The following MSRA variants were observed in gnomAD, a reference collection of about 807,000 sequenced individuals.
The protein encoded by MSRA is methionine sulfoxide reductase A, also known as mitochondrial peptide methionine sulfoxide reductase.
A neutral mutation model predicts 31.3 loss-of-function variants in MSRA; 54 were observed. The ratio of observed to expected loss-of-function variants is 1.73; its 90% confidence interval spans 1.39 to 2.17. The LOEUF is 2.17. MSRA is among the 30% of genes most tolerant of loss of function. The probability of loss-of-function intolerance (pLI) is 0.00; values close to 1 mark genes in which losing one functional copy is unlikely to be tolerated. For missense variants in MSRA, 507 were observed against 300.9 expected (o/e 1.69, Z -5.07); for synonymous variants, 169 against 116.5 (o/e 1.45, Z -2.90).
intron 3 of MSRA, among the ~76,000 whole-genome samples, chr8:10,278,972 T>C (rs1799472626): frequency 6.6e-6 from 1 of 152,172 alleles, no homozygotes; most frequent in African/African-American, 2.4e-5. Flanking sequence ...GTAACTGGAA[T>C]AGATTTTTGC....
rs2975685 is a variant in MSRA, at chr8:10,259,720, G to A, written c.331+14497G>A. 2.6e-5 allele frequency among the ~76,000 whole-genome samples: 4 copies of A among 152,354 alleles called. No homozygotes were observed. The South Asian group carries it at 8.3e-4, about 32-fold the overall frequency. ...GGGTTTCCTGGGGAAACAAGGGAAA[G>A]CAGTCCAGGCGTGTGGGGGAGAGAT... is the stretch of plus-strand genomic sequence containing the variant. On this transcript the variant is annotated intron_variant, in intron 3 of 5. Coordinates refer to ENST00000317173, the MANE Select transcript of MSRA (RefSeq NM_012331.5).
At chr8:10,066,273 C>T (rs1238119159) in intron 1 of MSRA, among the ~76,000 whole-genome samples, 1 of 151,914 alleles carries the variant, frequency 6.6e-6, no homozygotes, top group Non-Finnish European at 1.5e-5. Context: ...AGGCGTGAGC[C>T]CCTCTGCCCG....
intron 1 of MSRA, among the ~76,000 whole-genome samples, chr8:10,141,220 A>G (rs1291423173): frequency 6.6e-6 from 1 of 152,312 alleles, no homozygotes; most frequent in South Asian, 2.1e-4. Flanking sequence ...ACCCTGTGCC[A>G]GGCCTGGTTC....
At chr8:10,150,161 G>A (rs1297901670) in intron 1 of MSRA, among the ~76,000 whole-genome samples, 1 of 151,904 alleles carries the variant, frequency 6.6e-6, no homozygotes. Context: ...CGGCAGTGAG[G>A]GAAAAGTACA....
At chr8:10,403,558 T>C (rs7459532) in intron 5 of MSRA, among the ~76,000 whole-genome samples, 75,030 of 152,042 alleles carry the variant, frequency 0.49, 19,068 homozygotes, top group East Asian at 0.73. Context: ...TCCGCGGCAC[T>C]GAAGAGGAAG....
intron 1 of MSRA, among the ~76,000 whole-genome samples, chr8:10,182,331 T>TG (rs1420898293): frequency 6.6e-6 from 1 of 152,210 alleles, no homozygotes; most frequent in Non-Finnish European, 1.5e-5. Flanking sequence ...TCTTGCTGAA[T>TG]GATGCATCAC....
At chr8:10,294,905 T>G (rs749120852) in intron 3 of MSRA, among the ~76,000 whole-genome samples, 30 of 152,128 alleles carry the variant, frequency 2.0e-4, no homozygotes, top group Non-Finnish European at 4.1e-4. Flanking sequence ...AGGTCTTGCT[T>G]GTGGGCCTCA....
chr8:10,396,256 AG>A (rs1470650919), intron 5 of MSRA, among the ~76,000 whole-genome samples: 1 of 152,190 alleles, frequency 6.6e-6, no homozygotes, highest in Non-Finnish European at 1.5e-5. Flanking sequence ...TGCCGTTCTC[AG>A]GTGCACTGTC....
At chr8:10,262,349 G>A (rs1002473455) in intron 3 of MSRA, among the ~76,000 whole-genome samples, 2 of 152,150 alleles carry the variant, frequency 1.3e-5, no homozygotes, top group Non-Finnish European at 2.9e-5. Context: ...GCAGTGAGTG[G>A]GAGTTCCTGT....
intron 1 of MSRA, among the ~76,000 whole-genome samples, chr8:10,082,638 T>G (rs1484612995): frequency 6.6e-6 from 1 of 152,180 alleles, no homozygotes. Context: ...TTAAATTGTG[T>G]AACCTTGGAG....
At chr8:10,285,349 T>G (rs1053729434) in intron 3 of MSRA, among the ~76,000 whole-genome samples, 1 of 152,216 alleles carries the variant, frequency 6.6e-6, no homozygotes, top group African/African-American at 2.4e-5. Flanking sequence ...ATTTTTTGGT[T>G]TTGTTATTTT....
At chr8:10,162,450 G>A (rs1051264906) in intron 1 of MSRA, among the ~76,000 whole-genome samples, 6 of 152,126 alleles carry the variant, frequency 3.9e-5, no homozygotes, top group African/African-American at 1.4e-4. Flanking sequence ...TGCCAACTGT[G>A]CTTCTCCTTT....
chr8:10,380,145 C>G (rs1805980784), intron 5 of MSRA, among the ~76,000 whole-genome samples: 1 of 152,218 alleles, frequency 6.6e-6, no homozygotes, highest in South Asian at 2.1e-4. Context: ...CCAGGCATAC[C>G]TGAATGGGCC....
chr8:10,117,745 A>C (rs1247434299), intron 1 of MSRA, among the ~76,000 whole-genome samples: 1 of 152,220 alleles, frequency 6.6e-6, no homozygotes, highest in African/African-American at 2.4e-5. Flanking sequence ...TAGTATTAAA[A>C]TATTTTAATT....
intron 1 of MSRA, among the ~76,000 whole-genome samples, chr8:10,132,596 C>T (rs907019198): frequency 1.3e-5 from 2 of 152,158 alleles, no homozygotes; most frequent in Non-Finnish European, 2.9e-5. Flanking sequence ...AGGTGGTCAC[C>T]TTCTTGCTGA....
rs62490349 is a variant in MSRA, at chr8:10,381,506, G to A, written c.544-46642G>A. Reference sequence around the variant, plus strand: ...GATGCTGGAGCTGGGTGTACCCTACGGGCCCCTCCCCAGTGAGTTTCCATC... The same window carrying A: ...GATGCTGGAGCTGGGTGTACCCTACAGGCCCCTCCCCAGTGAGTTTCCATC... On this transcript the variant is annotated intron_variant, in intron 5 of 5. Coordinates refer to ENST00000317173, the MANE Select transcript of MSRA (RefSeq NM_012331.5). Among the ~76,000 whole-genome samples the A allele has an allele frequency of 2.2e-3, 340 of 152,220 alleles. 1 individual carries two copies. The highest frequency in any genetic ancestry group is 2.7e-3 in the Non-Finnish European group (183 of 68,008).
chr8:10,428,210 C>A lies in MSRA; in HGVS notation c.606C>A (p.Tyr202Ter), dbSNP rs763140045. ...TTDIREGQTF[Y>*]YAEDYHQQYL... ...ACATCCGGGAGGGACAGACTTTCTA[C>A]TATGCGGAAGACTACCACCAGCAGT... is the stretch of plus-strand genomic sequence containing the variant. Residue 202 changes from tyrosine to a stop codon, truncating the protein, a stop_gained, in exon 6 of 6, where the codon TAC becomes TAA. Coordinates refer to ENST00000317173, the MANE Select transcript of MSRA (RefSeq NM_012331.5). LOFTEE classifies it high-confidence loss of function. 2.2e-5 allele frequency: 36 copies of A among 1,614,188 alleles called. No individual in the cohort carries two copies. The highest frequency in any genetic ancestry group is 3.1e-5 in the Non-Finnish European group (36 of 1,180,032).
chr8:10,082,888 C>T (rs562861033), intron 1 of MSRA, among the ~76,000 whole-genome samples: 6 of 152,320 alleles, frequency 3.9e-5, no homozygotes, highest in Admixed American at 6.5e-5. Flanking sequence ...CAATATTTAC[C>T]GAACGACTAG....
At chr8:10,344,824 G>A (rs746437773) in intron 5 of MSRA, among the ~76,000 whole-genome samples, 32 of 152,104 alleles carry the variant, frequency 2.1e-4, no homozygotes, top group Non-Finnish European at 3.4e-4. Context: ...TGACTACAGT[G>A]GACATATTTA....
Sources: allele counts gnomAD v4.1 joint callset (sites outside exome capture counted in the v4.1 genomes callset), GRCh38; gene constraint gnomAD v4.1.1; transcripts MANE v1.5; gene names NCBI Gene and HGNC (gene_info 2026-07-23, HGNC 2026-07-21).